STXBP5L: variants seen among roughly 807,000 people sequenced by gnomAD.
STXBP5L encodes syntaxin-binding protein 5-like.
A neutral mutation model predicts 144.5 loss-of-function variants in STXBP5L; 65 were observed. The observed-to-expected ratio is 0.45, with a 90% confidence interval of 0.37 to 0.55. STXBP5L has a LOEUF of 0.55. Among genes scored for constraint, STXBP5L ranks in the 20% least tolerant of loss-of-function variants. The probability of loss-of-function intolerance (pLI) is 0.00; values close to 1 mark genes in which losing one functional copy is unlikely to be tolerated. For missense variants in STXBP5L, 1,298 were observed against 1,405.5 expected, an observed-to-expected ratio of 0.92 and a Z score of 1.22; for synonymous variants, 505 against 469.6, an observed-to-expected ratio of 1.08 and a Z score of -0.97.
intron 12 of STXBP5L, among the ~76,000 whole-genome samples, chr3:121,237,720 A>G (rs2108327174): frequency 6.6e-6 from 1 of 152,338 alleles, no homozygotes. Flanking sequence ...TGTTAAAAGT[A>G]ACAATGCCAC....
intron 3 of STXBP5L, among the ~76,000 whole-genome samples, chr3:120,983,849 A>T (rs1342998120): frequency 6.6e-6 from 1 of 152,088 alleles, no homozygotes; most frequent in Non-Finnish European, 1.5e-5. Context: ...CTCTTAGACA[A>T]TCCATTCAAA....
chr3:121,338,894 A>C (rs568496275), intron 20 of STXBP5L, among the ~76,000 whole-genome samples: 4 of 152,230 alleles, frequency 2.6e-5, no homozygotes, highest in African/African-American at 9.6e-5. Flanking sequence ...GTGAGATTGA[A>C]TCAGTAATTT....
chr3:121,007,725 A>AACTGCTTGTAGTTGAAGCTTGC (rs1188509725), intron 3 of STXBP5L, among the ~76,000 whole-genome samples: 1 of 151,982 alleles, frequency 6.6e-6, no homozygotes, highest in Non-Finnish European at 1.5e-5. Flanking sequence ...GAAAGCCTTT[A>AACTGCTTGTAGTTGAAGCTTGC]ACTGCTTGTA....
At chr3:121,049,000 C>A (rs1947734415) in intron 5 of STXBP5L, among the ~76,000 whole-genome samples, 1 of 152,174 alleles carries the variant, frequency 6.6e-6, no homozygotes, top group African/African-American at 2.4e-5. Flanking sequence ...GGCTGCAGGG[C>A]AGCAAAAATG....
intron 3 of STXBP5L, among the ~76,000 whole-genome samples, chr3:121,022,393 G>T (rs192176346): frequency 2.0e-5 from 3 of 152,052 alleles, no homozygotes; most frequent in East Asian, 3.9e-4. Flanking sequence ...TATTCTAAAA[G>T]ATAAAAGAGG....
intron 19 of STXBP5L, among the ~76,000 whole-genome samples, chr3:121,288,747 T>A (rs1347810714): frequency 6.6e-6 from 1 of 152,232 alleles, no homozygotes; most frequent in Non-Finnish European, 1.5e-5. Context: ...TAAACCTTTG[T>A]TGGATGCATA....
At chr3:121,354,865 G>A (rs2045443833) in intron 20 of STXBP5L, among the ~76,000 whole-genome samples, 1 of 152,170 alleles carries the variant, frequency 6.6e-6, no homozygotes, top group Middle Eastern at 3.4e-3. Context: ...CTTCCTTCAG[G>A]AGCTCTTGTA....
chr3:121,071,156 G>C (rs532994643), intron 5 of STXBP5L, among the ~76,000 whole-genome samples: 2 of 152,280 alleles, frequency 1.3e-5, no homozygotes, highest in South Asian at 4.1e-4. Context: ...GGTGGCTTTA[G>C]TATTACTAAT....
chr3:120,953,635 G>A lies in STXBP5L; in HGVS notation c.190-1305G>A, dbSNP rs959962907. Among the ~76,000 whole-genome samples, 40 of 151,752 alleles carry A rather than the reference G, an allele frequency of 2.6e-4. 1 individual carries two copies. In the Middle Eastern group the frequency reaches 0.014, roughly 52 times the overall value. The stretch of plus-strand genomic sequence containing the variant: ...TTACAGACATGGGCCACTGTGCCTA[G>A]CCCACAATTGAGTTTTTTACATTAA... On this transcript the variant is annotated intron_variant, in intron 2 of 26. Transcript: ENST00000471454.
chr3:120,915,098 G>A (rs961960407), intron 2 of STXBP5L, among the ~76,000 whole-genome samples: 3 of 152,106 alleles, frequency 2.0e-5, no homozygotes, highest in African/African-American at 7.2e-5. Context: ...TGTTGGTCTT[G>A]TATAGTGTGG....
intron 1 of STXBP5L, 138 bp from the exon 2 acceptor site, chr3:120,909,429 CTCTT>C: frequency 1.4e-6 from 1 of 701,882 alleles, no homozygotes; most frequent in Non-Finnish European, 2.2e-6. Context: ...CGAATCCTGA[CTCTT>C]TTTTTCCAGT....
intron 6 of STXBP5L, 106 bp from the exon 7 acceptor site, chr3:121,121,535 T>C (rs900812201): frequency 1.3e-6 from 1 of 757,416 alleles, no homozygotes; most frequent in Non-Finnish European, 2.1e-6. Flanking sequence ...AACCCTAGAA[T>C]GGTGGGATTT....
chr3:121,099,437 C>G (rs970283475), intron 5 of STXBP5L: 6 of 152,146 alleles, frequency 3.9e-5, no homozygotes, highest in African/African-American at 1.4e-4. Flanking sequence ...CTTCAAGAAG[C>G]TACAATAGAG....
chr3:121,046,544 A>G (rs1415792918), intron 5 of STXBP5L, among the ~76,000 whole-genome samples: 3 of 151,924 alleles, frequency 2.0e-5, no homozygotes, highest in Non-Finnish European at 2.9e-5. Context: ...GGAACTCTTT[A>G]TTGGTCTGTC....
At chr3:121,416,347 A>G (rs897166586) in intron 25 of STXBP5L, among the ~76,000 whole-genome samples, 1 of 151,504 alleles carries the variant, frequency 6.6e-6, no homozygotes, top group Non-Finnish European at 1.5e-5. Flanking sequence ...TGGAAAACAG[A>G]TTCCTTATTC....
chr3:120,994,967 C>A lies in STXBP5L; in HGVS notation c.287+39930C>A, dbSNP rs545046914. Among the ~76,000 whole-genome samples the A allele has an allele frequency of 6.1e-4, 93 of 151,602 alleles. 1 individual carries two copies. The South Asian group carries it at 0.019, about 30-fold the overall frequency. On this transcript the variant is annotated intron_variant, in intron 3 of 26. Transcript: ENST00000471454. Reference sequence around the variant, plus strand: ...AATCTTGTTATCCATTATTGGCTGTCCAGGTTTTCTATTTTTTTTCCAGGT... The same window carrying A: ...AATCTTGTTATCCATTATTGGCTGTACAGGTTTTCTATTTTTTTTCCAGGT...
At chr3:121,154,004 T>G (rs1017089767) in intron 8 of STXBP5L, among the ~76,000 whole-genome samples, 5 of 151,776 alleles carry the variant, frequency 3.3e-5, no homozygotes, top group Admixed American at 3.3e-4. Context: ...GGAATTAGAA[T>G]AACCAGCTCA....
intron 19 of STXBP5L, among the ~76,000 whole-genome samples, chr3:121,296,780 G>T (rs2051668551): frequency 6.6e-6 from 1 of 152,160 alleles, no homozygotes; most frequent in African/African-American, 2.4e-5. Flanking sequence ...GAATTTGAAA[G>T]AATTTGAAAC....
chr3:120,965,020 A>C (rs887493799), intron 3 of STXBP5L, among the ~76,000 whole-genome samples: 76 of 152,234 alleles, frequency 5.0e-4, no homozygotes, highest in African/African-American at 1.7e-3. Flanking sequence ...CTTTACCATT[A>C]TGTAATGGCC....
Sources: allele counts gnomAD v4.1 joint callset (sites outside exome capture counted in the v4.1 genomes callset), GRCh38; gene constraint gnomAD v4.1.1; transcripts MANE v1.5; gene names NCBI Gene and HGNC (gene_info 2026-07-23, HGNC 2026-07-21).